The following RASA1 variants were observed in gnomAD, a reference collection of about 807,000 sequenced individuals.
The protein encoded by RASA1 is ras GTPase-activating protein 1.
In RASA1, 25 loss-of-function variants were observed where a neutral mutation model predicts 132.2. The observed-to-expected ratio is 0.19, with a 90% CI of 0.14 to 0.26. The LOEUF is 0.26. Among genes scored for constraint, RASA1 ranks in the 10% least tolerant of loss-of-function variants. RASA1 has a pLI of 1.00. For missense variants in RASA1, 964 were observed against 1,299.2 expected (o/e 0.74, Z 3.97); for synonymous variants, 477 against 449.9 (o/e 1.06, Z -0.76).
intron 20 of RASA1, among the ~76,000 whole-genome samples, chr5:87,382,822 G>A (rs956379155): frequency 6.6e-6 from 1 of 151,988 alleles, no homozygotes; most frequent in African/African-American, 2.4e-5. Flanking sequence ...GGTGGCTCAA[G>A]CCTGTAATCT....
intron 23 of RASA1, among the ~76,000 whole-genome samples, chr5:87,387,317 C>G (rs1580412382): frequency 6.6e-6 from 1 of 152,056 alleles, no homozygotes; most frequent in Admixed American, 6.6e-5. Context: ...GAAAAGTCTT[C>G]TTTTCTAGGA....
intron 1 of RASA1, among the ~76,000 whole-genome samples, chr5:87,271,760 G>A (rs1288040560): frequency 1.3e-5 from 2 of 151,978 alleles, no homozygotes; most frequent in Non-Finnish European, 2.9e-5. Context: ...ACAGGTGTGA[G>A]CCACCGCGCC....
chr5:87,356,640 T>A (rs938907923), intron 9 of RASA1, among the ~76,000 whole-genome samples: 3 of 152,186 alleles, frequency 2.0e-5, no homozygotes, highest in African/African-American at 4.8e-5. Flanking sequence ...CCCAAAATGC[T>A]GGGATTACAG....
intron 9 of RASA1, among the ~76,000 whole-genome samples, chr5:87,359,324 T>TA (rs954075672): frequency 7.2e-5 from 11 of 152,256 alleles, no homozygotes; most frequent in African/African-American, 2.4e-4. Context: ...GGGAGGAATG[T>TA]AAAAAATCTA....
chr5:87,391,034 C>A lies in RASA1; in HGVS notation c.*151C>A. On this transcript the variant is annotated 3_prime_UTR_variant, in exon 25 of 25. Coordinates refer to ENST00000274376, the MANE Select transcript of RASA1 (RefSeq NM_002890.3). The stretch of plus-strand genomic sequence containing the variant: ...TATGCAAACAAAATCCAAGATTCTG[C>A]TGGTGAATAACTATGCCAGCAACCT... 1 of 787,716 alleles carries A rather than the reference C, an allele frequency of 1.3e-6. No individual in the cohort carries two copies. The highest frequency in any genetic ancestry group is 2.2e-6 in the Non-Finnish European group (1 of 456,376). The allele number at this position is 787,716 out of a possible 1,614,324, so 48.8% of individuals were successfully genotyped here.
At chr5:87,269,416 T>C (rs917153303) in intron 1 of RASA1, 33 of 1,129,556 alleles carry the variant, frequency 2.9e-5, no homozygotes, top group Non-Finnish European at 1.5e-5. Context: ...AAACGAGTAC[T>C]ATAGTAATAA....
intron 9 of RASA1, among the ~76,000 whole-genome samples, chr5:87,357,081 G>A (rs1255487179): frequency 6.6e-6 from 1 of 152,012 alleles, no homozygotes; most frequent in Non-Finnish European, 1.5e-5. Flanking sequence ...ACTTTAATGT[G>A]CTCCTTCCTA....
At chr5:87,378,665 C>T in intron 18 of RASA1, 127 bp downstream of exon 18, 1 of 971,586 alleles carries the variant, frequency 1.0e-6, no homozygotes, top group South Asian at 1.5e-5. Flanking sequence ...AGCAGTTACA[C>T]CTGTCTGTAA....
intron 20 of RASA1, among the ~76,000 whole-genome samples, chr5:87,382,707 G>A (rs1761804077): frequency 6.6e-6 from 1 of 152,114 alleles, no homozygotes; most frequent in South Asian, 2.1e-4. Flanking sequence ...ATATATGACA[G>A]CTGTTAGTAT....
intron 14 of RASA1, 111 bp from the exon 15 acceptor site, chr5:87,374,729 G>T (rs1264492358): frequency 5.2e-6 from 6 of 1,151,974 alleles, no homozygotes; most frequent in South Asian, 1.7e-5. Flanking sequence ...CTAGCACACT[G>T]TTTTTTTTTT....
chr5:87,319,623 G>C (rs1756626937), intron 1 of RASA1, among the ~76,000 whole-genome samples: 1 of 152,194 alleles, frequency 6.6e-6, no homozygotes. Context: ...CAAGTCCCAA[G>C]GATGCAGTTA....
Position 87,349,372 on chromosome 5 carries a change from A to G in RASA1, c.1253+8A>G, listed in dbSNP as rs757811116. 2.9e-5 allele frequency: 47 copies of G among 1,610,922 alleles called. No homozygotes were observed. Among genetic ancestry groups the G allele is most frequent in the Non-Finnish European group, 3.7e-5 (44 of 1,178,022 alleles). On this transcript the variant is annotated splice_region_variant and intron_variant, in intron 8 of 24. Transcript: ENST00000274376. ...AGGCCGGTATTATAACAGGTAAATC[A>G]TAATTTTTTAGCTATCTTTTACTTT...
chr5:87,356,182 A>G (rs1001317888), intron 9 of RASA1, among the ~76,000 whole-genome samples: 4 of 152,114 alleles, frequency 2.6e-5, no homozygotes, highest in African/African-American at 4.8e-5. Flanking sequence ...CTGTGGGTAA[A>G]ATGGTATCAA....
intron 1 of RASA1, among the ~76,000 whole-genome samples, chr5:87,295,982 A>G (rs1755102047): frequency 6.6e-6 from 1 of 151,132 alleles, no homozygotes; most frequent in Non-Finnish European, 1.5e-5. Flanking sequence ...ACGCCCAGCT[A>G]ATTTTTGTGT....
intron 23 of RASA1, among the ~76,000 whole-genome samples, chr5:87,387,162 G>A (rs988571779): frequency 3.3e-5 from 5 of 152,084 alleles, no homozygotes; most frequent in African/African-American, 9.7e-5. Flanking sequence ...TTTAGGGTCT[G>A]TCTTGCTTTT....
intron 1 of RASA1, among the ~76,000 whole-genome samples, chr5:87,309,822 T>G (rs1199413019): frequency 6.6e-6 from 1 of 152,130 alleles, no homozygotes; most frequent in East Asian, 1.9e-4. Flanking sequence ...AACATTTAAT[T>G]TGGCATGGTT....
chr5:87,390,725 T>C, intron 24 of RASA1, 75 bp from the exon 25 acceptor site: 6 of 1,260,088 alleles, frequency 4.8e-6, no homozygotes, highest in Non-Finnish European at 6.9e-6. Flanking sequence ...TACAGTTTTT[T>C]TCAAATCCAG....
At chr5:87,280,475 G>T (rs1409097548) in intron 1 of RASA1, among the ~76,000 whole-genome samples, 12 of 151,968 alleles carry the variant, frequency 7.9e-5, no homozygotes, top group Non-Finnish European at 1.5e-4. Flanking sequence ...ACCACGCCTG[G>T]CTAATTCTTG....
At chr5:87,384,151 G>A (rs1259273557) in intron 21 of RASA1, among the ~76,000 whole-genome samples, 1 of 152,092 alleles carries the variant, frequency 6.6e-6, no homozygotes, top group Non-Finnish European at 1.5e-5. Flanking sequence ...AGATCTTCAA[G>A]ATCAAATTAA....
Sources: gnomAD v4.1 joint callset for allele counts (sites outside exome capture counted in the v4.1 genomes callset) on GRCh38, gnomAD v4.1.1 for gene constraint, MANE v1.5 for transcripts, NCBI Gene and HGNC (gene_info 2026-07-23, HGNC 2026-07-21) for gene names.